The following CFAP20DC variants were observed in gnomAD, a reference collection of about 807,000 sequenced individuals.
The protein encoded by CFAP20DC is protein CFAP20DC.
CFAP20DC carries 84 observed loss-of-function variants against 101.7 expected under a neutral mutation model. The ratio of observed to expected loss-of-function variants is 0.83; its 90% CI spans 0.69 to 0.99. CFAP20DC has a LOEUF of 0.99. Ranked by LOEUF, CFAP20DC falls within the 50% of genes least tolerant of loss-of-function variation. The pLI is 0.00. For synonymous variants in CFAP20DC, 359 were observed against 351.2 expected, an observed-to-expected ratio of 1.02 and a Z score of -0.25; for missense variants, 1,007 against 970.3, an observed-to-expected ratio of 1.04 and a Z score of -0.50.
Position 58,975,245 on chromosome 3 carries a change from C to G in CFAP20DC, c.279-37483G>C, listed in dbSNP as rs370105448. ...CTTATCACCTTATCTAAGTAGGTAT[C>G]TCGTTGGTAAGTCCTTTGCCAGTTT... On this transcript the variant is annotated intron_variant, in intron 4 of 16. Transcript: ENST00000482387. Among the ~76,000 whole-genome samples the G allele has an allele frequency of 1.1e-4, 17 of 152,154 alleles. No individual in the cohort carries two copies. In the East Asian group the frequency reaches 3.3e-3, roughly 29 times the overall value.
At chr3:58,806,922 C>T (rs1381570725) in intron 14 of CFAP20DC, among the ~76,000 whole-genome samples, 2 of 152,204 alleles carry the variant, frequency 1.3e-5, no homozygotes, top group African/African-American at 4.8e-5. Flanking sequence ...TTATATCCCG[C>T]ACATGGCTTG....
chr3:58,768,421 T>C (rs1014003148), intron 15 of CFAP20DC, among the ~76,000 whole-genome samples: 8 of 152,282 alleles, frequency 5.3e-5, no homozygotes, highest in Middle Eastern at 3.4e-3. Flanking sequence ...ATGGAAGTGC[T>C]TGGTTTAACA....
chr3:58,840,694 A>C (rs2077040821), intron 13 of CFAP20DC, among the ~76,000 whole-genome samples: 1 of 152,220 alleles, frequency 6.6e-6, no homozygotes, highest in Non-Finnish European at 1.5e-5. Context: ...TTGCTTTAGA[A>C]TGCCAGCCAT....
intron 5 of CFAP20DC, among the ~76,000 whole-genome samples, chr3:58,927,410 T>G (rs551661849): frequency 6.6e-6 from 1 of 152,136 alleles, no homozygotes; most frequent in South Asian, 2.1e-4. Context: ...CTGAAATGAG[T>G]GAAGCAAGAA....
At chr3:59,040,412 GC>G (rs1442255217) in intron 3 of CFAP20DC, among the ~76,000 whole-genome samples, 2 of 151,912 alleles carry the variant, frequency 1.3e-5, no homozygotes, top group Non-Finnish European at 2.9e-5. Flanking sequence ...TTGAACTTTT[GC>G]TTGATCTCTC....
intron 6 of CFAP20DC, among the ~76,000 whole-genome samples, chr3:58,890,312 A>T (rs1482974970): frequency 1.6e-5 from 2 of 125,478 alleles, no homozygotes; most frequent in Non-Finnish European, 3.4e-5. Context: ...CGGGGGGCTG[A>T]CCCCCCCACC....
At chr3:59,009,091 A>G (rs1252903996) in intron 4 of CFAP20DC, among the ~76,000 whole-genome samples, 2 of 152,134 alleles carry the variant, frequency 1.3e-5, no homozygotes, top group Non-Finnish European at 2.9e-5. Flanking sequence ...TCCTACAAGC[A>G]CCAAGAATCA....
intron 4 of CFAP20DC, among the ~76,000 whole-genome samples, chr3:59,028,270 T>C (rs1020795951): frequency 6.6e-6 from 1 of 152,202 alleles, no homozygotes; most frequent in Non-Finnish European, 1.5e-5. Context: ...TTAGTTTTCA[T>C]TTAAAAAAGT....
chr3:58,718,587 A>G (rs901656022), intron 3 of CFAP20DC, among the ~76,000 whole-genome samples: 1 of 152,202 alleles, frequency 6.6e-6, no homozygotes, highest in Non-Finnish European at 1.5e-5. Flanking sequence ...TCCTGCGGGC[A>G]CTGCCAATCT....
intron 15 of CFAP20DC, among the ~76,000 whole-genome samples, chr3:58,763,659 C>T (rs925392994): frequency 4.6e-5 from 7 of 152,146 alleles, no homozygotes; most frequent in African/African-American, 1.7e-4. Flanking sequence ...TTTTCCCCAT[C>T]TTTGTGGTTT....
chr3:58,880,054 A>C (rs1424418226), intron 7 of CFAP20DC, among the ~76,000 whole-genome samples: 2 of 152,068 alleles, frequency 1.3e-5, no homozygotes, highest in Admixed American at 6.5e-5. Flanking sequence ...AGAAGAGTAT[A>C]AAGAAGAAAC....
At position 59,007,026 on chromosome 3, in the gene CFAP20DC, C is replaced by T. The variant is rs1476275712; in HGVS notation, c.278+32531G>A. On this transcript the variant is annotated intron_variant, in intron 4 of 16. Transcript: ENST00000482387. This position sits in a 1 kb window ranked among gnomAD's most constrained non-coding sequence, Gnocchi z 4.4. ...GGGGCACTGCGAGAGCGAGACTGGC[C>T]TTGCCAACTGTGTGGAGCTGGGTGA... is the stretch of plus-strand genomic sequence containing the variant. Among the ~76,000 whole-genome samples the T allele has an allele frequency of 6.6e-6, 1 of 152,126 alleles. No individual in the cohort carries two copies. The highest frequency in any genetic ancestry group is 1.5e-5 in the Non-Finnish European group (1 of 68,018).
intron 13 of CFAP20DC, among the ~76,000 whole-genome samples, chr3:58,836,512 G>C (rs533360886): frequency 1.4e-4 from 21 of 152,214 alleles, no homozygotes; most frequent in Admixed American, 7.2e-4. Context: ...TGGAGGTGTG[G>C]AGAAAAATGA....
In CFAP20DC at chr3:58,899,458, C is replaced by T. The variant is rs114049730; in HGVS notation, c.550+14250G>A. On this transcript the variant is annotated intron_variant, in intron 6 of 16. Transcript: ENST00000482387. The surrounding 1 kb of genome is among the most constrained non-coding windows in gnomAD (Gnocchi z 5.0). The stretch of plus-strand genomic sequence containing the variant: ...CCTGCAGAACATGCTGCTTGGCTTC[C>T]GGGATTCAGTTCCCTTCCTAGGGAT... 7.3e-3 allele frequency among the ~76,000 whole-genome samples: 1,113 copies of T among 152,286 alleles called. 14 individuals carry two copies. The highest frequency in any genetic ancestry group is 0.024 in the African/African-American group (1,009 of 41,558).
At chr3:58,880,165 T>A (rs1175254618) in intron 7 of CFAP20DC, among the ~76,000 whole-genome samples, 1 of 152,180 alleles carries the variant, frequency 6.6e-6, no homozygotes, top group Non-Finnish European at 1.5e-5. Flanking sequence ...GATATGATAC[T>A]AGAAGTAAAA....
intron 4 of CFAP20DC, among the ~76,000 whole-genome samples, chr3:58,988,429 C>A (rs1346288481): frequency 6.6e-6 from 1 of 152,162 alleles, no homozygotes; most frequent in Non-Finnish European, 1.5e-5. Context: ...TTCCATGGGG[C>A]AGCAGGAGGT....
At chr3:58,828,846 G>A (rs2076212340) in intron 14 of CFAP20DC, among the ~76,000 whole-genome samples, 1 of 151,862 alleles carries the variant, frequency 6.6e-6, no homozygotes, top group African/African-American at 2.4e-5. Context: ...GGATTAAGGG[G>A]AAAAAAGAAA....
intron 15 of CFAP20DC, among the ~76,000 whole-genome samples, chr3:58,804,428 T>G (rs1248916165): frequency 6.6e-6 from 1 of 150,890 alleles, no homozygotes; most frequent in East Asian, 1.9e-4. Context: ...AGTTGTGTGA[T>G]CTCGGCCCAC....
chr3:58,917,774 C>A (rs543572330), intron 5 of CFAP20DC, among the ~76,000 whole-genome samples: 4 of 152,212 alleles, frequency 2.6e-5, no homozygotes, highest in African/African-American at 7.2e-5. Flanking sequence ...TTAGAAGAAG[C>A]AATTACCTAT....
Sources: gnomAD v4.1 joint callset for allele counts (sites outside exome capture counted in the v4.1 genomes callset) on GRCh38, gnomAD v4.1.1 for gene constraint, Gnocchi (gnomAD v3.1) non-coding constraint, MANE v1.5 for transcripts, NCBI Gene and HGNC (gene_info 2026-07-23, HGNC 2026-07-21) for gene names.